Variants in EIF2AK4 observed in about 807,000 individuals in gnomAD.
EIF2AK4 encodes the protein eukaryotic translation initiation factor 2 alpha kinase 4.
A neutral mutation model predicts 211.1 loss-of-function variants in EIF2AK4; 139 were observed. That is an observed-to-expected ratio of 0.66 (90% CI 0.57 to 0.76). The LOEUF (loss-of-function observed/expected upper bound fraction) is 0.76, where lower values mean the gene tolerates loss of function less well. Ranked by LOEUF, EIF2AK4 falls within the 30% of genes least tolerant of loss-of-function variation. The pLI is 0.00. For missense variants in EIF2AK4, 1,664 were observed against 2,043.8 expected (o/e 0.81, Z 3.58); for synonymous variants, 710 against 751.3 (o/e 0.94, Z 0.90).
At chr15:39,944,565 G>A (rs1334786155) in intron 3 of EIF2AK4, among the ~76,000 whole-genome samples, 1 of 151,544 alleles carries the variant, frequency 6.6e-6, no homozygotes, top group Non-Finnish European at 1.5e-5. Context: ...CCGAGTAGCT[G>A]GGACTACAGG....
rs773557713 is a variant in EIF2AK4, at chr15:39,967,337, T to G, written c.1018-7T>G. The G allele has an allele frequency of 6.6e-7, 1 of 1,510,078 alleles. No homozygotes were observed. The highest frequency in any genetic ancestry group is 9.0e-7 in the Non-Finnish European group (1 of 1,111,338). 93.5% of individuals were successfully genotyped at this position (1,510,078 alleles called of 1,614,324 possible). ...AATATTCTTTTTTTTTTTTTTTAAC[T>G]TATCAGATTCAAGGAACAGAAACAG... On this transcript the variant is annotated splice_polypyrimidine_tract_variant and splice_region_variant and intron_variant, in intron 8 of 38. Transcript: ENST00000263791.
intron 32 of EIF2AK4, among the ~76,000 whole-genome samples, chr15:40,024,744 T>G (rs2035443479): frequency 6.6e-6 from 1 of 151,284 alleles, no homozygotes; most frequent in Non-Finnish European, 1.5e-5. Context: ...TTTTTGTTTT[T>G]TTTTTTGAGA....
At chr15:40,015,801 T>G (rs2140942339) in intron 27 of EIF2AK4, among the ~76,000 whole-genome samples, 1 of 152,364 alleles carries the variant, frequency 6.6e-6, no homozygotes. Context: ...GCTATAATTT[T>G]GTTTCTTAAT....
intron 13 of EIF2AK4, among the ~76,000 whole-genome samples, chr15:39,983,394 T>G (rs1388642050): frequency 6.6e-6 from 1 of 152,122 alleles, no homozygotes; most frequent in Non-Finnish European, 1.5e-5. Context: ...TTTGATGGAG[T>G]TGTTTTTTTC....
intron 2 of EIF2AK4, among the ~76,000 whole-genome samples, chr15:39,940,119 A>C (rs1482895601): frequency 1.3e-5 from 2 of 152,176 alleles, no homozygotes; most frequent in African/African-American, 4.8e-5. Context: ...TGTGCACTGC[A>C]GTACGTTTAG....
chr15:39,986,963 C>A (rs1368425408), intron 14 of EIF2AK4, among the ~76,000 whole-genome samples: 1 of 152,134 alleles, frequency 6.6e-6, no homozygotes, highest in East Asian at 1.9e-4. Flanking sequence ...TGCAAGCAGG[C>A]AGATCTTTAA....
intron 32 of EIF2AK4, among the ~76,000 whole-genome samples, 180 bp from the exon 33 acceptor site, chr15:40,025,797 C>T (rs952443532): frequency 6.6e-6 from 1 of 152,192 alleles, no homozygotes; most frequent in Non-Finnish European, 1.5e-5. Flanking sequence ...CTACTACATG[C>T]CAGTTGCACC....
At chr15:40,012,966 GC>G (rs1375189255) in intron 27 of EIF2AK4, among the ~76,000 whole-genome samples, 1 of 152,132 alleles carries the variant, frequency 6.6e-6, no homozygotes, top group African/African-American at 2.4e-5. Flanking sequence ...GACACCTGAG[GC>G]CCAAAGAGAT....
chr15:39,950,589 C>CAAAAAAAAAA (rs771231139), intron 4 of EIF2AK4, among the ~76,000 whole-genome samples: 1 of 59,746 alleles, frequency 1.7e-5, no homozygotes. Flanking sequence ...ACTCTGTCTT[C>CAAAAAAAAAA]AAAAAAAAAA....
At chr15:40,000,875 T>A (rs1368111637) in intron 20 of EIF2AK4, 113 bp from the exon 21 acceptor site, 1 of 1,019,870 alleles carries the variant, frequency 9.8e-7, no homozygotes, top group Non-Finnish European at 1.5e-6. Flanking sequence ...GTCAGTTAAG[T>A]GCAAGAATAG....
At chr15:39,974,128 T>G (rs1274530660) in intron 11 of EIF2AK4, 1 of 155,342 alleles carries the variant, frequency 6.4e-6, no homozygotes, top group Non-Finnish European at 1.4e-5. Context: ...GTTCTAAGGT[T>G]AGAAGAGAGA....
intron 30 of EIF2AK4, chr15:40,020,391 T>A (rs1041807471): frequency 6.6e-6 from 1 of 151,066 alleles, no homozygotes; most frequent in Non-Finnish European, 1.5e-5. Flanking sequence ...TGCCTGTAAT[T>A]CCAGCTATAT....
intron 13 of EIF2AK4, among the ~76,000 whole-genome samples, chr15:39,984,826 A>G (rs2034842396): frequency 1.3e-5 from 2 of 152,176 alleles, no homozygotes; most frequent in African/African-American, 2.4e-5. Context: ...CTCTCTTTCT[A>G]TTTTAATACC....
intron 4 of EIF2AK4, chr15:39,951,465 T>A: frequency 2.5e-6 from 1 of 405,584 alleles, no homozygotes; most frequent in East Asian, 8.8e-5. Flanking sequence ...GGTTGGTGTT[T>A]TCAAAAAGGC....
At position 40,033,293 on chromosome 15, in the gene EIF2AK4, A is replaced by C. The variant is rs142963314; in HGVS notation, c.4773+492A>C. On this transcript the variant is annotated intron_variant, in intron 37 of 38. Coordinates refer to ENST00000263791, the MANE Select transcript of EIF2AK4 (RefSeq NM_001013703.4). Reference sequence around the variant, plus strand: ...GTGTTCTTAACCACTATACTATACTATCTCTCAAACCTCCATTCCAGCTAG... The same window carrying C: ...GTGTTCTTAACCACTATACTATACTCTCTCTCAAACCTCCATTCCAGCTAG... Among the ~76,000 whole-genome samples, 421 of 152,332 alleles carry C rather than the reference A, an allele frequency of 2.8e-3. 1 individual carries two copies. Among genetic ancestry groups the C allele is most frequent in the African/African-American group, 9.9e-3 (410 of 41,576 alleles).
chr15:39,962,313 C>T lies in EIF2AK4; in HGVS notation c.859+414C>T, dbSNP rs753562051. 3.3e-4 allele frequency among the ~76,000 whole-genome samples: 50 copies of T among 152,098 alleles called. 1 individual carries two copies. Among genetic ancestry groups the T allele is most frequent in the South Asian group, 2.1e-4 (1 of 4,824 alleles). ...TGCTCTTGGAATATTATTAACATAA[C>T]GATCATTTTAAATCTGTCATCATTA... On this transcript the variant is annotated intron_variant, in intron 7 of 38. Transcript: ENST00000263791.
In EIF2AK4 at chr15:40,022,666, CT is replaced by C; in HGVS notation, c.4389+63del. The C allele has an allele frequency of 2.7e-6, 4 of 1,489,834 alleles. No individual in the cohort carries two copies. In the South Asian group the frequency reaches 4.5e-5, roughly 17 times the overall value. The allele number at this position is 1,489,834 out of a possible 1,614,324, so 92.3% of individuals were successfully genotyped here. On this transcript the variant is annotated intron_variant, in intron 32 of 38. Transcript: ENST00000263791. ...TAGGTGTTACCTGTGGAGCACCTGC[CT>C]TCACACTGAGGCCCGGGCCGTGTAG...
chr15:39,958,451 A>T (rs1166433601), intron 6 of EIF2AK4, among the ~76,000 whole-genome samples: 7 of 152,074 alleles, frequency 4.6e-5, no homozygotes, highest in Admixed American at 3.9e-4. Flanking sequence ...CAGAGAAGAG[A>T]TCATTAAGGG....
At chr15:40,006,888 C>A (rs2035169236) in intron 23 of EIF2AK4, 128 bp from the exon 24 acceptor site, 1 of 664,040 alleles carries the variant, frequency 1.5e-6, no homozygotes, top group Non-Finnish European at 2.6e-6. Context: ...AGTGAATACA[C>A]TAAAAGCCAC....
Sources: gnomAD v4.1 joint callset for allele counts (sites outside exome capture counted in the v4.1 genomes callset) on GRCh38, gnomAD v4.1.1 for gene constraint, MANE v1.5 for transcripts, NCBI Gene and HGNC (gene_info 2026-07-23, HGNC 2026-07-21) for gene names.